TBC1D19: variants seen among roughly 807,000 people sequenced by gnomAD.
TBC1D19 encodes the protein TBC1 domain family member 19, also known as TBC1 domain family, member 19.
TBC1D19 carries 60 observed loss-of-function variants against 89.0 expected under a neutral mutation model. That is an observed-to-expected ratio of 0.67 (90% confidence interval 0.55 to 0.84). The LOEUF is 0.84. TBC1D19 is among the 40% of genes least tolerant of loss of function. The pLI is 0.00. For missense variants in TBC1D19, 500 were observed against 610.8 expected, an observed-to-expected ratio of 0.82 and a Z score of 1.91; for synonymous variants, 189 against 199.7, an observed-to-expected ratio of 0.95 and a Z score of 0.45.
At chr4:26,653,434 C>T (rs560362946) in intron 7 of TBC1D19, among the ~76,000 whole-genome samples, 19 of 152,218 alleles carry the variant, frequency 1.2e-4, no homozygotes, top group African/African-American at 3.1e-4. Flanking sequence ...TCCTTGTTAA[C>T]GTTCTGTCTG....
the TBC1D19 span, among the ~76,000 whole-genome samples, chr4:26,855,896 A>T: frequency 6.6e-6 from 1 of 152,234 alleles, no homozygotes; most frequent in Non-Finnish European, 1.5e-5. Flanking sequence ...TATGGAGTAC[A>T]ATGTTTTGAG....
At chr4:26,729,875 G>T (rs1016111738) in intron 15 of TBC1D19, among the ~76,000 whole-genome samples, 3 of 152,160 alleles carry the variant, frequency 2.0e-5, no homozygotes, top group Non-Finnish European at 4.4e-5. Flanking sequence ...CTACAGAGTA[G>T]GTTTTTAAAT....
chr4:26,794,242 C>T, the TBC1D19 span, among the ~76,000 whole-genome samples: 1 of 152,014 alleles, frequency 6.6e-6, no homozygotes, highest in Non-Finnish European at 1.5e-5. Flanking sequence ...AGGTTTATTT[C>T]ATTAATTCTT....
At chr4:26,784,195 T>G in the TBC1D19 span, among the ~76,000 whole-genome samples, 17 of 152,218 alleles carry the variant, frequency 1.1e-4, no homozygotes, top group Admixed American at 9.8e-4. Flanking sequence ...CACACTAAGG[T>G]AGGGGTAGAG....
At chr4:26,647,278 A>G (rs569058756) in intron 7 of TBC1D19, among the ~76,000 whole-genome samples, 3 of 152,376 alleles carry the variant, frequency 2.0e-5, no homozygotes, top group South Asian at 4.1e-4. Context: ...AGTGAAGGTG[A>G]TAAGCTGAGT....
chr4:26,614,368 C>A, intron 2 of TBC1D19, 40 bp from the exon 3 acceptor site: 2 of 1,325,652 alleles, frequency 1.5e-6, no homozygotes, highest in South Asian at 1.4e-5. Context: ...TACTTAAAAA[C>A]TAGTATGTTC....
the TBC1D19 span, among the ~76,000 whole-genome samples, chr4:26,827,809 C>T: frequency 4.0e-5 from 6 of 151,052 alleles, no homozygotes; most frequent in African/African-American, 1.5e-4. Context: ...CAGCCTCGAA[C>T]TCCTGGGCTC....
Position 26,638,774 on chromosome 4 carries a change from C to A in TBC1D19, c.373C>A (p.Pro125Thr), listed in dbSNP as rs1023516395. Residue 125 changes from proline (P) to threonine (T), a missense_variant, in exon 6 of 21, where the codon CCA becomes ACA. Physicochemically the swap from Pro to Thr is conservative, Grantham distance 38. This residue lies in a region of TBC1D19 where 280 missense variants were observed against 291.7 expected (regional missense o/e 0.96). Coordinates refer to ENST00000264866, the MANE Select transcript of TBC1D19 (RefSeq NM_018317.4). ...ELSIPLARKR[P>T]VGEQKELLNK... Reference sequence around the variant, plus strand: ...GTTTCAAAATTACCTTTTCCAGAGGCCAGTTGGAGAACAGAAAGAACTTCT... The same window carrying A: ...GTTTCAAAATTACCTTTTCCAGAGGACAGTTGGAGAACAGAAAGAACTTCT... 5.0e-6 allele frequency: 8 copies of A among 1,608,060 alleles called. No individual in the cohort carries two copies. The highest frequency in any genetic ancestry group is 1.7e-5 in the Admixed American group (1 of 58,954).
intron 15 of TBC1D19, 98 bp downstream of exon 15, chr4:26,720,223 T>C (rs1716889420): frequency 3.5e-6 from 3 of 856,464 alleles, no homozygotes; most frequent in Middle Eastern, 3.3e-4. Flanking sequence ...TGGATAATCA[T>C]TTATTATCTA....
At chr4:26,780,410 A>G in the TBC1D19 span, among the ~76,000 whole-genome samples, 1 of 152,196 alleles carries the variant, frequency 6.6e-6, no homozygotes, top group Non-Finnish European at 1.5e-5. Flanking sequence ...ACAGTTTCCA[A>G]CCATTTAGGG....
intron 15 of TBC1D19, among the ~76,000 whole-genome samples, chr4:26,734,286 AACTC>A (rs563270531): frequency 2.0e-4 from 30 of 152,202 alleles, no homozygotes; most frequent in Non-Finnish European, 4.0e-4. Context: ...CATTTATTAG[AACTC>A]ACTCTATATG....
At chr4:26,759,003 C>T (rs574832246), downstream of TBC1D19, among the ~76,000 whole-genome samples, 2 of 152,294 alleles carry the variant, frequency 1.3e-5, no homozygotes, top group South Asian at 2.1e-4. Flanking sequence ...GCCTTTGGCC[C>T]TTTGCCCTTA....
intron 9 of TBC1D19, among the ~76,000 whole-genome samples, chr4:26,669,016 CACACAT>C (rs1438438197): frequency 7.0e-6 from 1 of 142,382 alleles, no homozygotes; most frequent in Non-Finnish European, 1.6e-5. Context: ...CACACACACA[CACACAT>C]TTACTATGGA....
In TBC1D19 at chr4:26,666,317, G is replaced by T. The variant is rs560470254; in HGVS notation, c.592-16G>T. 5.0e-6 allele frequency: 8 copies of T among 1,602,280 alleles called. No individual in the cohort carries two copies. The highest frequency in any genetic ancestry group is 6.8e-6 in the Non-Finnish European group (8 of 1,170,728). ...AGTCTGAGATCTATGTTAATTCTAC[G>T]TATGTTATTTTTCAGAAAGAATGCT... On this transcript the variant is annotated splice_polypyrimidine_tract_variant and intron_variant, in intron 8 of 20. Transcript: ENST00000264866.
At chr4:26,708,712 A>T (rs1715926883) in intron 13 of TBC1D19, among the ~76,000 whole-genome samples, 1 of 151,736 alleles carries the variant, frequency 6.6e-6, no homozygotes, top group Non-Finnish European at 1.5e-5. Context: ...CCTATCTTCA[A>T]GTTTGCTGAT....
In TBC1D19 at chr4:26,739,886, C is replaced by T; in HGVS notation, c.1140C>T (p.Tyr380=). 6.3e-7 allele frequency: 1 copy of T among 1,593,180 alleles called. No individual in the cohort carries two copies. Among genetic ancestry groups the T allele is most frequent in the Non-Finnish European group, 8.5e-7 (1 of 1,170,982 alleles). ...SMYVAPLCFL[Y]HEPSKLYQIF... The stretch of plus-strand genomic sequence containing the variant: ...CAGTTGCACCACTTTGTTTTCTATA[C>T]CATGAACCTTCCAAATTGTATCAGA... The change falls in exon 17 of 21, where the codon TAC becomes TAT. Residue 380 remains tyrosine, a synonymous_variant. Transcript: ENST00000264866.
chr4:26,767,827 C>T, the TBC1D19 span, among the ~76,000 whole-genome samples: 1 of 152,148 alleles, frequency 6.6e-6, no homozygotes, highest in African/African-American at 2.4e-5. Flanking sequence ...CTAGACTATA[C>T]AAAATAATAG....
chr4:26,790,192 T>A, the TBC1D19 span, among the ~76,000 whole-genome samples: 1 of 152,076 alleles, frequency 6.6e-6, no homozygotes, highest in Non-Finnish European at 1.5e-5. Context: ...AAACAAAACT[T>A]TCTGGGTGGT....
At chr4:26,677,553 C>T (rs952821692) in intron 11 of TBC1D19, among the ~76,000 whole-genome samples, 1 of 152,062 alleles carries the variant, frequency 6.6e-6, no homozygotes, top group Non-Finnish European at 1.5e-5. Flanking sequence ...GATCTCCTGA[C>T]CTCATGATCC....
Sources: allele counts gnomAD v4.1 joint callset (sites outside exome capture counted in the v4.1 genomes callset), GRCh38; gene constraint gnomAD v4.1.1; regional missense constraint gnomAD v4.1.1; transcripts MANE v1.5; gene names NCBI Gene and HGNC (gene_info 2026-07-23, HGNC 2026-07-21).